Variants in DLC1 observed in about 807,000 individuals in gnomAD.
DLC1 encodes the protein rho GTPase-activating protein 7.
A neutral mutation model predicts 140.3 loss-of-function variants in DLC1; 54 were observed. That is an observed-to-expected ratio of 0.38 (90% CI 0.31 to 0.48). DLC1 has a LOEUF of 0.48. Ranked by LOEUF, DLC1 falls within the 20% of genes least tolerant of loss-of-function variation. The pLI is 0.96. For synonymous variants in DLC1, 986 were observed against 728.1 expected, an observed-to-expected ratio of 1.35 and a Z score of -5.70; for missense variants, 2,536 against 1,907.0, an observed-to-expected ratio of 1.33 and a Z score of -6.14.
intron 5 of DLC1, among the ~76,000 whole-genome samples, chr8:13,199,866 C>T (rs1341363808): frequency 2.0e-5 from 3 of 152,142 alleles, no homozygotes; most frequent in South Asian, 2.1e-4. Flanking sequence ...CTTGGTTTCA[C>T]GAAATATTAC....
chr8:13,425,398 T>C lies in DLC1; in HGVS notation c.1024-23779A>G, dbSNP rs191162132. Among the ~76,000 whole-genome samples the C allele has an allele frequency of 1.5e-3, 236 of 152,260 alleles. 1 individual carries two copies. Among genetic ancestry groups the C allele is most frequent in the African/African-American group, 5.5e-3 (227 of 41,552 alleles). ...GAGTTCACAGGACTGAGTATTTTTA[T>C]TTAGATGAAAAGGAAAACTTGGAAA... is the stretch of plus-strand genomic sequence containing the variant. On this transcript the variant is annotated intron_variant, in intron 2 of 17. Coordinates refer to ENST00000276297, the MANE Select transcript of DLC1 (RefSeq NM_182643.3).
chr8:13,161,962 A>C (rs556370089), intron 5 of DLC1, among the ~76,000 whole-genome samples: 1 of 152,344 alleles, frequency 6.6e-6, no homozygotes, highest in South Asian at 2.1e-4. Context: ...GTGATAAATA[A>C]AACACAAAGT....
chr8:13,546,906 G>A (rs1329101557), intron 1 of DLC1, among the ~76,000 whole-genome samples: 1 of 152,072 alleles, frequency 6.6e-6, no homozygotes, highest in Non-Finnish European at 1.5e-5. Flanking sequence ...GACATTTTAT[G>A]TATCCTAGAG....
intron 5 of DLC1, among the ~76,000 whole-genome samples, chr8:13,153,819 G>T (rs1824028609): frequency 6.6e-6 from 1 of 152,132 alleles, no homozygotes; most frequent in Non-Finnish European, 1.5e-5. Flanking sequence ...ACAGAGTGCT[G>T]ATTGGTGTGT....
chr8:13,567,851 G>A (rs1472627562), intron 1 of DLC1: 6 of 1,551,806 alleles, frequency 3.9e-6, no homozygotes, highest in South Asian at 1.2e-5. Flanking sequence ...AAGTTGCAGC[G>A]AGATGGAAAT....
chr8:13,215,452 G>A (rs1828148349), intron 5 of DLC1, among the ~76,000 whole-genome samples: 3 of 152,076 alleles, frequency 2.0e-5, no homozygotes, highest in South Asian at 4.1e-4. Context: ...TGGGCGTGGT[G>A]GGGCACGTCT....
At chr8:13,170,605 C>G (rs888195838) in intron 5 of DLC1, among the ~76,000 whole-genome samples, 1 of 151,882 alleles carries the variant, frequency 6.6e-6, no homozygotes, top group South Asian at 2.1e-4. Flanking sequence ...TGGCGGGCAC[C>G]TGTAGTCCCA....
intron 5 of DLC1, among the ~76,000 whole-genome samples, chr8:13,162,062 G>T (rs1213777573): frequency 6.6e-6 from 1 of 152,164 alleles, no homozygotes; most frequent in Admixed American, 6.5e-5. Context: ...AGGGGTTTAT[G>T]AAAGTTTTTG....
At chr8:13,221,139 A>G (rs780217992) in intron 5 of DLC1, among the ~76,000 whole-genome samples, 6 of 152,198 alleles carry the variant, frequency 3.9e-5, no homozygotes, top group Non-Finnish European at 7.3e-5. Flanking sequence ...AACTAAGGTC[A>G]TTAGCTTTCA....
intron 5 of DLC1, among the ~76,000 whole-genome samples, chr8:13,242,926 C>T (rs1829603604): frequency 6.6e-6 from 1 of 151,976 alleles, no homozygotes; most frequent in African/African-American, 2.4e-5. Context: ...GTAATCCCCA[C>T]ATGTTAGAAG....
At chr8:13,189,771 A>G (rs1003811200) in intron 5 of DLC1, among the ~76,000 whole-genome samples, 2 of 151,620 alleles carry the variant, frequency 1.3e-5, no homozygotes, top group Non-Finnish European at 1.5e-5. Context: ...AGTCCCAGCT[A>G]CTCGGGAGGC....
intron 5 of DLC1, among the ~76,000 whole-genome samples, chr8:13,133,985 C>T (rs981874441): frequency 2.0e-5 from 3 of 152,192 alleles, no homozygotes; most frequent in Non-Finnish European, 4.4e-5. Context: ...CTGGGGGTCA[C>T]AGCCCGTGTT....
chr8:13,466,536 T>A (rs895884050), intron 2 of DLC1, among the ~76,000 whole-genome samples: 1 of 152,268 alleles, frequency 6.6e-6, no homozygotes, highest in African/African-American at 2.4e-5. Context: ...GTGGGAGAGA[T>A]ACCTGGTCAC....
intron 2 of DLC1, among the ~76,000 whole-genome samples, chr8:13,430,332 G>C (rs569970246): frequency 4.6e-5 from 7 of 152,212 alleles, no homozygotes; most frequent in South Asian, 4.1e-4. Context: ...AAATCAAATA[G>C]ATCCTAAAAA....
chr8:13,134,827 C>A (rs1460003196), intron 5 of DLC1, among the ~76,000 whole-genome samples: 1 of 152,176 alleles, frequency 6.6e-6, no homozygotes, highest in African/African-American at 2.4e-5. Context: ...CTAACTTCCA[C>A]TACTGGCTCC....
intron 4 of DLC1, among the ~76,000 whole-genome samples, chr8:13,378,681 T>C (rs1250297216): frequency 6.6e-6 from 1 of 152,180 alleles, no homozygotes; most frequent in Non-Finnish European, 1.5e-5. Flanking sequence ...TGTTCTTTTG[T>C]TTGTAACAAT....
chr8:13,166,161 A>G (rs529826659), intron 5 of DLC1, among the ~76,000 whole-genome samples: 40 of 151,138 alleles, frequency 2.6e-4, no homozygotes, highest in Non-Finnish European at 4.7e-4. Flanking sequence ...TTGACCACAT[A>G]CTCCTCTGCA....
chr8:13,318,541 A>G (rs17192992), intron 4 of DLC1, among the ~76,000 whole-genome samples: 7,522 of 152,274 alleles, frequency 0.049, 250 homozygotes, highest in South Asian at 0.1. Flanking sequence ...TTAGGACTCA[A>G]ATTTTCTCTT....
chr8:13,399,328 A>G (rs1008501532), intron 3 of DLC1, among the ~76,000 whole-genome samples: 12 of 152,206 alleles, frequency 7.9e-5, no homozygotes, highest in Non-Finnish European at 1.5e-5. Context: ...CAGAATGAGC[A>G]TAGGCTTTGG....
Sources: gnomAD v4.1 joint callset for allele counts (sites outside exome capture counted in the v4.1 genomes callset) on GRCh38, gnomAD v4.1.1 for gene constraint, MANE v1.5 for transcripts, NCBI Gene and HGNC (gene_info 2026-07-23, HGNC 2026-07-21) for gene names.